The following PTPRT variants were observed in gnomAD, a reference collection of about 807,000 sequenced individuals.
The protein encoded by PTPRT is protein tyrosine phosphatase receptor type T.
Under a neutral mutation model 176.8 loss-of-function variants are expected in PTPRT, and 56 were observed. The ratio of observed to expected loss-of-function variants is 0.32; its 90% confidence interval spans 0.26 to 0.40. PTPRT has a LOEUF of 0.40. Among genes scored for constraint, PTPRT ranks in the 10% least tolerant of loss-of-function variants. PTPRT has a pLI of 1.00. For synonymous variants in PTPRT, 783 were observed against 739.0 expected (o/e 1.06, Z -0.96); for missense variants, 1,540 against 1,908.2 (o/e 0.81, Z 3.60).
intron 1 of PTPRT, among the ~76,000 whole-genome samples, chr20:43,019,397 G>T (rs112044529): frequency 1.3e-5 from 2 of 151,958 alleles, no homozygotes; most frequent in Non-Finnish European, 2.9e-5. Flanking sequence ...AAGGCGGGCA[G>T]ATCACGAGGT....
chr20:42,651,777 T>C (rs916255030), intron 7 of PTPRT, among the ~76,000 whole-genome samples: 1 of 152,152 alleles, frequency 6.6e-6, no homozygotes, highest in Non-Finnish European at 1.5e-5. Flanking sequence ...CCAGGCACAG[T>C]GGCTCATGCC....
chr20:42,475,488 C>G (rs2071273541), intron 7 of PTPRT, among the ~76,000 whole-genome samples: 2 of 152,202 alleles, frequency 1.3e-5, no homozygotes, highest in African/African-American at 4.8e-5. Flanking sequence ...GATATGAGGT[C>G]TGCCAGAGTA....
At chr20:42,355,897 A>G (rs1729637882) in intron 9 of PTPRT, among the ~76,000 whole-genome samples, 1 of 152,200 alleles carries the variant, frequency 6.6e-6, no homozygotes, top group Admixed American at 6.5e-5. Context: ...CGAGCTGTCA[A>G]TATAATATAC....
In PTPRT at chr20:43,048,877, C is replaced by T. The variant is rs532524192; in HGVS notation, c.88+140769G>A. Among the ~76,000 whole-genome samples the T allele has an allele frequency of 3.3e-4, 50 of 152,164 alleles. No individual in the cohort carries two copies. The Middle Eastern group carries it at 0.02, about 62-fold the overall frequency. On this transcript the variant is annotated intron_variant, in intron 1 of 30. Coordinates refer to ENST00000373187, the MANE Select transcript of PTPRT (RefSeq NM_007050.6). ...CAACAGCAGTCTTCCTGCAAGTGACCCTCACGAAGACACCTGCTCGCCTCT... is the reference window on the plus strand; with the variant it reads ...CAACAGCAGTCTTCCTGCAAGTGACTCTCACGAAGACACCTGCTCGCCTCT...
intron 8 of PTPRT, among the ~76,000 whole-genome samples, chr20:42,463,441 A>C (rs2071054308): frequency 6.6e-6 from 1 of 152,190 alleles, no homozygotes; most frequent in Non-Finnish European, 1.5e-5. Context: ...GCTAATTTTA[A>C]CTGTGCTTCT....
At chr20:42,588,715 A>G (rs1454425285) in intron 7 of PTPRT, among the ~76,000 whole-genome samples, 1 of 152,178 alleles carries the variant, frequency 6.6e-6, no homozygotes, top group Non-Finnish European at 1.5e-5. Context: ...TAAATTACAT[A>G]TATGGTTTGC....
chr20:42,298,791 G>C lies in PTPRT; in HGVS notation c.2140-16266C>G, dbSNP rs1281028758. On this transcript the variant is annotated intron_variant, in intron 12 of 30. Coordinates refer to ENST00000373187, the MANE Select transcript of PTPRT (RefSeq NM_007050.6). Reference sequence around the variant, plus strand: ...CAAAAATTAGCTGGGCATGGTGGTGGGTGCCTTTAATCCCAGCCACTTGAG... The same window carrying C: ...CAAAAATTAGCTGGGCATGGTGGTGCGTGCCTTTAATCCCAGCCACTTGAG... Among the ~76,000 whole-genome samples the C allele has an allele frequency of 8.5e-5, 13 of 152,130 alleles. No individual in the cohort carries two copies. The East Asian group carries it at 2.5e-3, about 29-fold the overall frequency.
chr20:42,825,400 T>C (rs2077975101), intron 2 of PTPRT, among the ~76,000 whole-genome samples: 1 of 152,104 alleles, frequency 6.6e-6, no homozygotes, highest in African/African-American at 2.4e-5. Flanking sequence ...TTAATTGATG[T>C]AAAAGTCCAA....
chr20:43,110,764 G>C (rs767705656), intron 1 of PTPRT, among the ~76,000 whole-genome samples: 10 of 152,102 alleles, frequency 6.6e-5, no homozygotes, highest in Non-Finnish European at 1.3e-4. Context: ...GGTGAGAAGT[G>C]AGGGTGGTTT....
intron 2 of PTPRT, among the ~76,000 whole-genome samples, chr20:42,867,644 C>A (rs528424058): frequency 6.6e-6 from 1 of 150,812 alleles, no homozygotes; most frequent in East Asian, 2.0e-4. Context: ...TCCCAGCATC[C>A]AGAACTATGA....
Position 42,467,479 on chromosome 20 carries a change from T to C in PTPRT, c.1450+4787A>G, listed in dbSNP as rs138215204. Among the ~76,000 whole-genome samples the C allele has an allele frequency of 1.6e-4, 25 of 152,328 alleles. No homozygotes were observed. The East Asian group carries it at 4.6e-3, about 28-fold the overall frequency. On this transcript the variant is annotated intron_variant, in intron 8 of 30. Transcript: ENST00000373187. ...TATACGGAACCCTGGTTCTGTCACA[T>C]AGAATCAGGTTAAATATTATTAGAA... is the stretch of plus-strand genomic sequence containing the variant.
chr20:42,907,324 T>G (rs954863607), intron 1 of PTPRT, among the ~76,000 whole-genome samples: 2 of 152,052 alleles, frequency 1.3e-5, no homozygotes, highest in Non-Finnish European at 2.9e-5. Flanking sequence ...AGGAGACAGA[T>G]CCGTGTGTTC....
In PTPRT at chr20:42,248,810, T is replaced by G; in HGVS notation, c.2189A>C (p.Gln730Pro). The change falls in exon 14 of 31, where the codon CAG (glutamine) becomes CCG (proline). Residue 730 changes from glutamine to proline, a missense_variant. Transcript: ENST00000373187. ...CTCTGGCTCCACAGTGTTAGAATTC[T>G]GGGTGGAGGCACCTAGGAAGGGAAA... ...VRLATKGAST[Q>P]NSNTVEPEKQ... 2.5e-6 allele frequency: 4 copies of G among 1,613,972 alleles called. No homozygotes were observed. The highest frequency in any genetic ancestry group is 3.4e-6 in the Non-Finnish European group (4 of 1,179,846).
intron 6 of PTPRT, among the ~76,000 whole-genome samples, chr20:42,740,083 A>G (rs1316347596): frequency 1.3e-5 from 2 of 152,164 alleles, no homozygotes; most frequent in Admixed American, 1.3e-4. Flanking sequence ...GATAGGCAGA[A>G]TCCTTCCCTG....
chr20:42,762,471 A>G (rs577085409), intron 5 of PTPRT, among the ~76,000 whole-genome samples: 1 of 152,230 alleles, frequency 6.6e-6, no homozygotes, highest in African/African-American at 2.4e-5. Flanking sequence ...ACATGAATGG[A>G]AAAATTCCTT....
intron 1 of PTPRT, among the ~76,000 whole-genome samples, chr20:43,010,890 A>G (rs769330014): frequency 5.9e-5 from 9 of 152,170 alleles, no homozygotes; most frequent in Non-Finnish European, 1.3e-4. Flanking sequence ...CATTCCACTC[A>G]GGTTCACAAG....
chr20:42,881,562 T>C (rs2145853353), intron 2 of PTPRT, among the ~76,000 whole-genome samples: 1 of 151,748 alleles, frequency 6.6e-6, no homozygotes, highest in Non-Finnish European at 1.5e-5. Flanking sequence ...CCATCTCTAC[T>C]AAAAATACAA....
intron 16 of PTPRT, among the ~76,000 whole-genome samples, chr20:42,198,224 C>A (rs1170331822): frequency 1.3e-5 from 2 of 152,154 alleles, no homozygotes; most frequent in Non-Finnish European, 2.9e-5. Context: ...GCATAGCTTA[C>A]CTATAAAATG....
chr20:42,234,094 G>A (rs963900717), intron 15 of PTPRT, among the ~76,000 whole-genome samples: 5 of 152,114 alleles, frequency 3.3e-5, no homozygotes, highest in African/African-American at 1.2e-4. Context: ...CACATCTGCT[G>A]TGAAACATGC....
Sources: gnomAD v4.1 joint callset for allele counts (sites outside exome capture counted in the v4.1 genomes callset) on GRCh38, gnomAD v4.1.1 for gene constraint, MANE v1.5 for transcripts, NCBI Gene and HGNC (gene_info 2026-07-23, HGNC 2026-07-21) for gene names.